Variants in KLHDC4 observed in about 807,000 individuals in gnomAD.
KLHDC4 encodes kelch domain-containing protein 4.
In KLHDC4, 90 loss-of-function variants were observed where a neutral mutation model predicts 62.4. The ratio of observed to expected loss-of-function variants is 1.44; its 90% CI spans 1.22 to 1.72. The LOEUF is 1.72. Ranked by LOEUF, KLHDC4 falls within the 40% of genes most tolerant of loss-of-function variation. The probability of loss-of-function intolerance (pLI) is 0.00; values close to 1 mark genes in which losing one functional copy is unlikely to be tolerated. For missense variants in KLHDC4, 1,025 were observed against 699.7 expected, an observed-to-expected ratio of 1.47 and a Z score of -5.25; for synonymous variants, 386 against 284.4, an observed-to-expected ratio of 1.36 and a Z score of -3.59.
chr16:87,725,315 G>A (rs149908343), intron 7 of KLHDC4, among the ~76,000 whole-genome samples: 11,315 of 152,192 alleles, frequency 0.074, 587 homozygotes, highest in Non-Finnish European at 0.11. Context: ...ACAGGCGCCC[G>A]CCACCACGCC....
At position 87,709,214 on chromosome 16, in the gene KLHDC4, G is replaced by T. The variant is rs780832045; in HGVS notation, c.1447+51C>A. The T allele has an allele frequency of 3.2e-6, 5 of 1,565,592 alleles. No homozygotes were observed. The South Asian group carries it at 4.7e-5, about 15-fold the overall frequency. ...CTTGCTTTCGAGGGACGCGACACACGACCGTGGGCTCTCGCTCCCGGGCAC... is the reference window on the plus strand; with the variant it reads ...CTTGCTTTCGAGGGACGCGACACACTACCGTGGGCTCTCGCTCCCGGGCAC... On this transcript the variant is annotated intron_variant, in intron 10 of 11. Coordinates refer to ENST00000270583, the MANE Select transcript of KLHDC4 (RefSeq NM_017566.4).
chr16:87,711,244 T>C lies in KLHDC4; in HGVS notation c.1035A>G (p.Gly345=), dbSNP rs1271977694. Residue 345 remains glycine (G), a synonymous_variant, in exon 9 of 12, where the codon GGA becomes GGG. Coordinates refer to ENST00000270583, the MANE Select transcript of KLHDC4 (RefSeq NM_017566.4). ...YDATRNRWFE[G]QLKGPKSEKK... ...TCAGAGGTTGCACTACCTTCAGCTGTCCCTCAAACCAACGGTTCCTGGTGG... is the reference window on the plus strand; with the variant it reads ...TCAGAGGTTGCACTACCTTCAGCTGCCCCTCAAACCAACGGTTCCTGGTGG... 1 of 1,614,030 alleles carries C rather than the reference T, an allele frequency of 6.2e-7. No homozygotes were observed. The highest frequency in any genetic ancestry group is 2.2e-5 in the East Asian group (1 of 44,870).
intron 7 of KLHDC4, among the ~76,000 whole-genome samples, chr16:87,724,317 A>T (rs565917395): frequency 3.5e-4 from 53 of 152,348 alleles, no homozygotes; most frequent in African/African-American, 1.2e-3. Flanking sequence ...GAAGCTAAAC[A>T]AGGTCTTCCT....
intron 5 of KLHDC4, among the ~76,000 whole-genome samples, chr16:87,745,000 G>A (rs569046926): frequency 1.3e-5 from 2 of 152,102 alleles, no homozygotes; most frequent in Non-Finnish European, 2.9e-5. Flanking sequence ...GTGCACACAC[G>A]TGTACACATG....
chr16:87,759,728 T>C (rs2045573294), intron 2 of KLHDC4, among the ~76,000 whole-genome samples: 1 of 152,024 alleles, frequency 6.6e-6, no homozygotes, highest in African/African-American at 2.4e-5. Flanking sequence ...CAACAAGAGC[T>C]ACACTCCGTC....
chr16:87,748,086 T>C (rs923321774), intron 5 of KLHDC4, among the ~76,000 whole-genome samples: 1 of 152,234 alleles, frequency 6.6e-6, no homozygotes, highest in Non-Finnish European at 1.5e-5. Flanking sequence ...ACATGCCATC[T>C]GGCTCTCTAC....
intron 5 of KLHDC4, among the ~76,000 whole-genome samples, chr16:87,737,106 CAAAAAAAA>C (rs55787836): frequency 4.0e-4 from 26 of 64,828 alleles, no homozygotes; most frequent in South Asian, 1.8e-3. Flanking sequence ...GCCTGGGCGA[CAAAAAAAA>C]AAAAAAAAAA....
At chr16:87,708,667 G>A (rs1221028465) in intron 10 of KLHDC4, 10 of 419,978 alleles carry the variant, frequency 2.4e-5, no homozygotes, top group Non-Finnish European at 3.8e-5. Context: ...ACAGAGATCC[G>A]AGACGGCAAA....
chr16:87,752,753 C>T (rs955199875), intron 4 of KLHDC4, among the ~76,000 whole-genome samples: 5 of 152,168 alleles, frequency 3.3e-5, no homozygotes, highest in African/African-American at 1.2e-4. Flanking sequence ...TTCGTATAGC[C>T]TACGCCCCAA....
chr16:87,759,733 T>G (rs1344078758), intron 2 of KLHDC4, among the ~76,000 whole-genome samples: 4 of 152,120 alleles, frequency 2.6e-5, no homozygotes, highest in Non-Finnish European at 5.9e-5. Context: ...AGAGCTACAC[T>G]CCGTCTCAGA....
At chr16:87,762,595 C>A (rs1376257904) in intron 1 of KLHDC4, among the ~76,000 whole-genome samples, 1 of 152,254 alleles carries the variant, frequency 6.6e-6, no homozygotes, top group Non-Finnish European at 1.5e-5. Context: ...ATGAGCTCCA[C>A]CAGAGCAAGA....
downstream of KLHDC4, among the ~76,000 whole-genome samples, chr16:87,704,878 G>A (rs374812285): frequency 4.6e-5 from 7 of 152,298 alleles, no homozygotes; most frequent in Admixed American, 2.0e-4. Context: ...CACCGCTCAT[G>A]GCCAGTCCCT....
chr16:87,742,913 A>T (rs76379665), intron 5 of KLHDC4: 2 of 152,284 alleles, frequency 1.3e-5, no homozygotes, highest in African/African-American at 2.4e-5. Flanking sequence ...CCGCAGCTGT[A>T]GTCCAGTGTC....
intron 7 of KLHDC4, among the ~76,000 whole-genome samples, chr16:87,719,398 T>C (rs1185054614): frequency 1.3e-5 from 2 of 152,244 alleles, no homozygotes; most frequent in Non-Finnish European, 2.9e-5. Flanking sequence ...AAACATGTGC[T>C]GTGTCCACTC....
chr16:87,700,440 G>A (rs1221598840), exon 1 of KLHDC4: 1 of 161,250 alleles, frequency 6.2e-6, no homozygotes, highest in African/African-American at 2.4e-5. Flanking sequence ...CCAGGACCAA[G>A]ACCCCGATTC....
At chr16:87,700,679 AGGTTG>A (rs1207687179) in exon 1 of KLHDC4, 1 of 158,268 alleles carries the variant, frequency 6.3e-6, no homozygotes, top group African/African-American at 4.8e-5. Context: ...CGGAGGGAGG[AGGTTG>A]GAGGGCGGAG....
Position 87,765,872 on chromosome 16 carries a change from T to A in KLHDC4, c.19A>T (p.Lys7Ter). The A allele has an allele frequency of 6.4e-7, 1 of 1,550,852 alleles. No individual in the cohort carries two copies. Among genetic ancestry groups the A allele is most frequent in the Non-Finnish European group, 8.7e-7 (1 of 1,146,396 alleles). The change falls in exon 1 of 12, where the codon AAG becomes TAG. Residue 7 changes from lysine (K) to a stop codon, truncating the protein, a stop_gained. Transcript: ENST00000270583. LOFTEE classifies it high-confidence loss of function. The stretch of plus-strand genomic sequence containing the variant: ...TCCGCGCCGCGGCCCTTCTTCTCCT[T>A]CTTGCCCTTCTTGCCCATCTTGCCG... MGKKGK[K>*]EKKGRGAEKT... is the part of the protein sequence containing the mutation.
At chr16:87,764,590 G>A (rs1225466613) in intron 1 of KLHDC4, among the ~76,000 whole-genome samples, 1 of 133,940 alleles carries the variant, frequency 7.5e-6, no homozygotes, top group Admixed American at 8.8e-5. Context: ...CGGAGGTGCA[G>A]TGAGCTGAGA....
chr16:87,762,011 G>C lies in KLHDC4; in HGVS notation c.129C>G (p.Phe43Leu), dbSNP rs775119407. Reference protein sequence around the residue: ...EEDLEALIAHFQTLDAKRTQT... With the variant: ...EEDLEALIAHLQTLDAKRTQT... ...GAGTCCTCTTGGCATCGAGTGTCTG[G>C]AAATGGGCTATGAGCGCTTCCAGGT... The change falls in exon 2 of 12, where the codon TTC becomes TTG. Residue 43 changes from phenylalanine (F) to leucine (L), a missense_variant. By Grantham distance (22) the Phe-to-Leu change is conservative (BLOSUM62 0). Coordinates refer to ENST00000270583, the MANE Select transcript of KLHDC4 (RefSeq NM_017566.4). 3.1e-6 allele frequency: 5 copies of C among 1,613,988 alleles called. No individual in the cohort carries two copies. Among genetic ancestry groups the C allele is most frequent in the Non-Finnish European group, 4.2e-6 (5 of 1,179,968 alleles).
Sources: gnomAD v4.1 joint callset for allele counts (sites outside exome capture counted in the v4.1 genomes callset) on GRCh38, gnomAD v4.1.1 for gene constraint, MANE v1.5 for transcripts, NCBI Gene and HGNC (gene_info 2026-07-23, HGNC 2026-07-21) for gene names.